The following BCKDHB variants were observed in gnomAD, a reference collection of about 807,000 sequenced individuals.
The protein encoded by BCKDHB is branched chain keto acid dehydrogenase E1 subunit beta.
Under a neutral mutation model 48.5 loss-of-function variants are expected in BCKDHB, and 41 were observed. The observed-to-expected ratio is 0.85, with a 90% CI of 0.66 to 1.10. The LOEUF (loss-of-function observed/expected upper bound fraction) is 1.10. Ranked by LOEUF, BCKDHB falls within the 50% of genes least tolerant of loss-of-function variation. BCKDHB has a pLI of 0.00. For missense variants in BCKDHB, 496 were observed against 494.2 expected (o/e 1.00, Z -0.03); for synonymous variants, 201 against 174.8 (o/e 1.15, Z -1.18).
At chr6:80,143,937 A>T (rs1184033242) in intron 3 of BCKDHB, among the ~76,000 whole-genome samples, 1 of 152,130 alleles carries the variant, frequency 6.6e-6, no homozygotes, top group Non-Finnish European at 1.5e-5. Context: ...CATTTAACCC[A>T]TCTTTTCTGT....
intron 6 of BCKDHB, among the ~76,000 whole-genome samples, chr6:80,190,267 T>C (rs1448035443): frequency 1.3e-5 from 2 of 152,202 alleles, no homozygotes; most frequent in African/African-American, 4.8e-5. Context: ...TCTTAGGTTA[T>C]ATTTTCTATT....
At chr6:80,259,553 C>CATACAATTTT (rs1777201975) in intron 8 of BCKDHB, among the ~76,000 whole-genome samples, 1 of 152,088 alleles carries the variant, frequency 6.6e-6, no homozygotes, top group African/African-American at 2.4e-5. Context: ...ATTTATAGGT[C>CATACAATTTT]ATACAATTTT....
chr6:80,255,264 TGAG>T (rs1259775711), intron 8 of BCKDHB, among the ~76,000 whole-genome samples: 1 of 152,224 alleles, frequency 6.6e-6, no homozygotes, highest in Non-Finnish European at 1.5e-5. Flanking sequence ...TAATTATTTA[TGAG>T]GACTGTAATA....
chr6:80,179,098 T>C (rs539454695), intron 6 of BCKDHB, among the ~76,000 whole-genome samples: 1 of 152,278 alleles, frequency 6.6e-6, no homozygotes, highest in East Asian at 1.9e-4. Context: ...TCACAGCTCA[T>C]GGCATCCTCA....
At chr6:80,421,197 C>T in the BCKDHB span, among the ~76,000 whole-genome samples, 1 of 152,068 alleles carries the variant, frequency 6.6e-6, no homozygotes, top group Non-Finnish European at 1.5e-5. Context: ...TTAAAGGTGG[C>T]AGTTTCCCTT....
the BCKDHB span, among the ~76,000 whole-genome samples, chr6:80,459,994 C>A: frequency 6.6e-6 from 1 of 152,094 alleles, no homozygotes; most frequent in African/African-American, 2.4e-5. Flanking sequence ...AAGATACTTT[C>A]TTCATGTACT....
At chr6:80,216,536 T>C (rs1775179619) in intron 8 of BCKDHB, among the ~76,000 whole-genome samples, 1 of 152,206 alleles carries the variant, frequency 6.6e-6, no homozygotes, top group African/African-American at 2.4e-5. Flanking sequence ...ACCTGATGTG[T>C]TTTTGGTGTC....
At chr6:80,304,572 A>T (rs1767756855) in intron 9 of BCKDHB, among the ~76,000 whole-genome samples, 1 of 152,152 alleles carries the variant, frequency 6.6e-6, no homozygotes, top group African/African-American at 2.4e-5. Context: ...TAGAAGATTG[A>T]TGAGAAAACC....
intron 9 of BCKDHB, chr6:80,308,016 A>T: frequency 1.4e-6 from 1 of 711,488 alleles, no homozygotes; most frequent in Non-Finnish European, 1.7e-6. Flanking sequence ...GGGGATGGTC[A>T]CTGACCTTGG....
At chr6:80,409,575 C>CATATATATATAT in the BCKDHB span, among the ~76,000 whole-genome samples, 1 of 50,370 alleles carries the variant, frequency 2.0e-5, no homozygotes, top group Non-Finnish European at 4.8e-5. Context: ...GTATTGGTTG[C>CATATATATATAT]ATATATATAT....
chr6:80,138,630 T>A (rs967029910), intron 3 of BCKDHB, among the ~76,000 whole-genome samples: 15 of 152,312 alleles, frequency 9.8e-5, no homozygotes, highest in African/African-American at 3.6e-4. Flanking sequence ...AACTCATCAT[T>A]TTTTATGGCT....
downstream of BCKDHB, among the ~76,000 whole-genome samples, chr6:80,348,755 C>T (rs530839831): frequency 6.6e-6 from 1 of 152,208 alleles, no homozygotes; most frequent in South Asian, 2.1e-4. Flanking sequence ...AGGAACATGA[C>T]CCCAAAAAAG....
intron 9 of BCKDHB, among the ~76,000 whole-genome samples, chr6:80,323,841 T>C (rs986129887): frequency 7.9e-5 from 12 of 152,284 alleles, no homozygotes; most frequent in Middle Eastern, 3.4e-3. Flanking sequence ...GGCGCCATCT[T>C]GGCTCACTGC....
At chr6:80,266,023 A>T (rs1036272120) in intron 8 of BCKDHB, among the ~76,000 whole-genome samples, 17 of 152,042 alleles carry the variant, frequency 1.1e-4, no homozygotes, top group Non-Finnish European at 2.1e-4. Flanking sequence ...CCAAAGAAAA[A>T]TCCTGGAAGA....
the BCKDHB span, among the ~76,000 whole-genome samples, chr6:80,429,743 G>A: frequency 3.3e-5 from 5 of 152,210 alleles, no homozygotes; most frequent in African/African-American, 1.2e-4. Context: ...CTTTGCTGAA[G>A]TTGCTTATCA....
intron 8 of BCKDHB, among the ~76,000 whole-genome samples, chr6:80,237,598 T>C (rs1223437450): frequency 2.0e-5 from 3 of 152,200 alleles, no homozygotes; most frequent in Non-Finnish European, 2.9e-5. Context: ...CTCTTCACAG[T>C]AAACTTCTGG....
At chr6:80,182,159 A>G (rs1161641351) in intron 6 of BCKDHB, among the ~76,000 whole-genome samples, 1 of 152,226 alleles carries the variant, frequency 6.6e-6, no homozygotes, top group African/African-American at 2.4e-5. Flanking sequence ...CAGATATCTA[A>G]AGCCGGCAGG....
chr6:80,419,184 A>T, the BCKDHB span, among the ~76,000 whole-genome samples: 1 of 152,172 alleles, frequency 6.6e-6, no homozygotes, highest in African/African-American at 2.4e-5. Context: ...CCACAGGCAG[A>T]TACACACCAG....
At chr6:80,153,956 A>G (rs536080287) in intron 3 of BCKDHB, among the ~76,000 whole-genome samples, 4 of 152,236 alleles carry the variant, frequency 2.6e-5, no homozygotes, top group African/African-American at 9.6e-5. Context: ...ACTGTTTTTA[A>G]TCCTCTTATA....
Sources: allele counts gnomAD v4.1 joint callset (sites outside exome capture counted in the v4.1 genomes callset), GRCh38; gene constraint gnomAD v4.1.1; transcripts MANE v1.5; gene names NCBI Gene and HGNC (gene_info 2026-07-23, HGNC 2026-07-21).